PSAP: variants seen among roughly 807,000 people sequenced by gnomAD.
The protein encoded by PSAP is prosaposin, also known as precursor of saposins.
Under a neutral mutation model 66.0 loss-of-function variants are expected in PSAP, and 25 were observed. The ratio of observed to expected loss-of-function variants is 0.38; its 90% CI spans 0.28 to 0.53. The LOEUF is 0.53. PSAP is among the 20% of genes least tolerant of loss of function. The pLI is 0.83. For missense variants in PSAP, 649 were observed against 668.8 expected (o/e 0.97, Z 0.33); for synonymous variants, 273 against 258.9 (o/e 1.05, Z -0.52).
At chr10:71,838,880 G>A (rs906477227) in intron 1 of PSAP, among the ~76,000 whole-genome samples, 1 of 152,128 alleles carries the variant, frequency 6.6e-6, no homozygotes. Context: ...TTTCAGTGGT[G>A]GGCTGAACTA....
At chr10:71,817,682 C>T (rs1315955911) in intron 13 of PSAP, among the ~76,000 whole-genome samples, 2 of 152,192 alleles carry the variant, frequency 1.3e-5, no homozygotes, top group African/African-American at 2.4e-5. Context: ...TTCTAAGGCA[C>T]GAGTCCAGAG....
chr10:71,842,653 CTCAAA>C (rs1564826060), intron 1 of PSAP, among the ~76,000 whole-genome samples: 1 of 152,050 alleles, frequency 6.6e-6, no homozygotes, highest in Non-Finnish European at 1.5e-5. Context: ...TCAGATTTAC[CTCAAA>C]TCAGAGCCAC....
intron 9 of PSAP, 123 bp from the exon 10 acceptor site, chr10:71,820,023 A>T: frequency 7.2e-6 from 7 of 973,454 alleles, no homozygotes; most frequent in Non-Finnish European, 1.1e-5. Context: ...ACCCACAAAA[A>T]ACTACCAAAC....
Position 71,817,405 on chromosome 10 carries a change from T to C in PSAP, c.*36A>G. 1 of 1,609,598 alleles carries C rather than the reference T, an allele frequency of 6.2e-7. No individual in the cohort carries two copies. The highest frequency in any genetic ancestry group is 8.5e-7 in the Non-Finnish European group (1 of 1,175,834). On this transcript the variant is annotated 3_prime_UTR_variant, in exon 14 of 14. Transcript: ENST00000394936. ...AGACACACAAGTAGAAAAAAACCAA[T>C]GCTGTGGTTTCTGCCAAGATGGAAT...
At chr10:71,831,624 A>T (rs1842519722) in intron 3 of PSAP, among the ~76,000 whole-genome samples, 1 of 152,204 alleles carries the variant, frequency 6.6e-6, no homozygotes, top group African/African-American at 2.4e-5. Context: ...GAACTCAAGG[A>T]ATGGTGTTTA....
At chr10:71,825,689 G>A in intron 7 of PSAP, 148 bp downstream of exon 7, 1 of 744,974 alleles carries the variant, frequency 1.3e-6, no homozygotes, top group South Asian at 1.5e-5. Flanking sequence ...CAAGTGGAGA[G>A]TCTCCTAGCC....
At chr10:71,845,122 T>A (rs1287046672) in intron 1 of PSAP, among the ~76,000 whole-genome samples, 2 of 152,222 alleles carry the variant, frequency 1.3e-5, no homozygotes, top group African/African-American at 4.8e-5. Context: ...TAAATAAGAT[T>A]TGGTCCCACC....
chr10:71,823,710 G>T (rs1325446070), intron 7 of PSAP, among the ~76,000 whole-genome samples: 1 of 151,910 alleles, frequency 6.6e-6, no homozygotes, highest in African/African-American at 2.4e-5. Flanking sequence ...CTCAAGGGCT[G>T]AATTACAGGG....
chr10:71,818,355 C>T (rs146197215), intron 13 of PSAP, among the ~76,000 whole-genome samples: 82 of 152,078 alleles, frequency 5.4e-4, no homozygotes, highest in Non-Finnish European at 9.9e-4. Context: ...GAAATGAAGA[C>T]AAAAGCAACA....
rs1564821825 is a variant in PSAP at position 71,833,034 on chromosome 10, AAAAAC to A, written c.175-1119_175-1115del. 3.9e-3 allele frequency among the ~76,000 whole-genome samples: 468 copies of A among 120,376 alleles called. 35 individuals carry two copies. The highest frequency in any genetic ancestry group is 0.012 in the African/African-American group (426 of 36,346). 79.0% of individuals were successfully genotyped at this position (120,376 alleles called of 152,430 possible). A position where few individuals can be genotyped will look rare whatever the true frequency, so the allele number is the denominator to read the frequency against. On this transcript the variant is annotated intron_variant, in intron 2 of 13. Transcript: ENST00000394936. The stretch of plus-strand genomic sequence containing the variant: ...TCCATCTCAAAAAAAAAAAAAAACA[AAAAAC>A]AAAAACAGAAGGCCGGGCCATGACA...
At chr10:71,828,854 C>T in intron 5 of PSAP, 23 bp downstream of exon 5, 3 of 1,613,342 alleles carry the variant, frequency 1.9e-6, no homozygotes, top group Non-Finnish European at 2.5e-6. Flanking sequence ...AATGGGTCCT[C>T]AGTGGCCAGC....
At chr10:71,827,985 T>A in intron 6 of PSAP, 29 bp downstream of exon 6, 3 of 1,613,704 alleles carry the variant, frequency 1.9e-6, no homozygotes, top group Non-Finnish European at 8.5e-7. Flanking sequence ...GCCCAGAACA[T>A]CCCCAATGCA....
At chr10:71,846,313 A>T (rs986383665) in intron 1 of PSAP, among the ~76,000 whole-genome samples, 2 of 152,158 alleles carry the variant, frequency 1.3e-5, no homozygotes, top group Non-Finnish European at 2.9e-5. Context: ...CAAATGCCAC[A>T]AAGTTATTTT....
chr10:71,844,350 T>G (rs1373586162), intron 1 of PSAP, among the ~76,000 whole-genome samples: 1 of 152,162 alleles, frequency 6.6e-6, no homozygotes, highest in African/African-American at 2.4e-5. Flanking sequence ...CTAGAAATTA[T>G]CTAAATGTCT....
intron 1 of PSAP, among the ~76,000 whole-genome samples, chr10:71,840,689 T>C (rs1174351520): frequency 1.3e-5 from 2 of 152,192 alleles, no homozygotes; most frequent in African/African-American, 4.8e-5. Flanking sequence ...ACCTCTGGCC[T>C]CAAAGTGTTA....
In PSAP at chr10:71,834,433, G is replaced by A. The variant is rs145181011; in HGVS notation, c.113C>T (p.Thr38Met). ...GSAVWCQNVK[T>M]ASDCGAVKHC... is the part of the protein sequence containing the mutation. ...CTTCACTGCCCCGCAGTCGGACGCC[G>A]TCTTCACATTCTGGCACCACACTGC... The change falls in exon 2 of 14, where the codon ACG becomes ATG. Residue 38 changes from threonine (T) to methionine (M), a missense_variant. By Grantham distance (81) the Thr-to-Met change is moderately conservative (BLOSUM62 -1). Coordinates refer to ENST00000394936, the MANE Select transcript of PSAP (RefSeq NM_002778.4). 3.8e-5 allele frequency: 61 copies of A among 1,613,762 alleles called. No individual in the cohort carries two copies. Among genetic ancestry groups the A allele is most frequent in the Non-Finnish European group, 4.8e-5 (57 of 1,179,954 alleles).
In PSAP at chr10:71,828,930, T is replaced by A; in HGVS notation, c.523A>T (p.Ile175Phe). 1.9e-6 allele frequency: 3 copies of A among 1,614,066 alleles called. No individual in the cohort carries two copies. Among genetic ancestry groups the A allele is most frequent in the South Asian group, 2.2e-5 (2 of 91,086 alleles). Residue 175 changes from isoleucine to phenylalanine, a missense_variant, in exon 5 of 14, where the codon ATC (isoleucine) becomes TTC (phenylalanine). Coordinates refer to ENST00000394936, the MANE Select transcript of PSAP (RefSeq NM_002778.4). ...TEVVAPFMAN[I>F]PLLLYPQDGP... ...TCCTGAGGGTAGAGGAGGAGAGGGATGTTGGCCATGAAGGGGGCCACCACC... is the reference window on the plus strand; with the variant it reads ...TCCTGAGGGTAGAGGAGGAGAGGGAAGTTGGCCATGAAGGGGGCCACCACC...
chr10:71,831,273 A>G (rs374348923), intron 3 of PSAP, 22 bp from the exon 4 acceptor site: 4 of 1,612,816 alleles, frequency 2.5e-6, no homozygotes, highest in Non-Finnish European at 2.5e-6. Context: ...CACCAGGGTC[A>G]GAATCACGAT....
chr10:71,828,206 AG>A, intron 5 of PSAP, 49 bp from the exon 6 acceptor site: 1 of 1,605,904 alleles, frequency 6.2e-7, no homozygotes, highest in Non-Finnish European at 8.5e-7. Flanking sequence ...TCAAATTCCT[AG>A]GAAAACGTCC....
Sources: allele counts gnomAD v4.1 joint callset (sites outside exome capture counted in the v4.1 genomes callset), GRCh38; gene constraint gnomAD v4.1.1; transcripts MANE v1.5; gene names NCBI Gene and HGNC (gene_info 2026-07-23, HGNC 2026-07-21).